Variants in PLXDC2 observed in about 807,000 individuals in gnomAD.
PLXDC2 encodes plexin domain containing 2, also known as plexin domain-containing protein 2.
In PLXDC2, 40 loss-of-function variants were observed where a neutral mutation model predicts 68.9. That is an observed-to-expected ratio of 0.58 (90% CI 0.45 to 0.76). The LOEUF (loss-of-function observed/expected upper bound fraction) is 0.76, where lower values mean the gene tolerates loss of function less well. Ranked by LOEUF, PLXDC2 falls within the 30% of genes least tolerant of loss-of-function variation. The pLI is 0.00. For missense variants in PLXDC2, 644 were observed against 661.9 expected (o/e 0.97, Z 0.30); for synonymous variants, 243 against 234.2 (o/e 1.04, Z -0.34).
At chr10:19,866,821 G>C (rs575207503) in intron 1 of PLXDC2, among the ~76,000 whole-genome samples, 4 of 152,278 alleles carry the variant, frequency 2.6e-5, no homozygotes, top group Admixed American at 2.0e-4. Flanking sequence ...ATACATGGAG[G>C]TTATACATTG....
intron 12 of PLXDC2, among the ~76,000 whole-genome samples, chr10:20,233,500 C>A (rs1835392118): frequency 2.0e-5 from 3 of 152,136 alleles, no homozygotes. Context: ...ATGTTTAACT[C>A]ATTTAATCCT....
At chr10:19,943,719 G>A (rs1022336373) in intron 1 of PLXDC2, among the ~76,000 whole-genome samples, 1 of 152,092 alleles carries the variant, frequency 6.6e-6, no homozygotes, top group Non-Finnish European at 1.5e-5. Context: ...AAAGAAGTAG[G>A]AACAGCCTTC....
chr10:20,234,582 T>C (rs993520371), intron 12 of PLXDC2, among the ~76,000 whole-genome samples: 1 of 152,168 alleles, frequency 6.6e-6, no homozygotes, highest in African/African-American at 2.4e-5. Context: ...GCACAGTTTA[T>C]TAGTTCTCGT....
chr10:20,143,325 G>C lies in PLXDC2; in HGVS notation c.572G>C (p.Arg191Pro). The change falls in exon 5 of 14, where the codon CGA (arginine) becomes CCA (proline). Residue 191 changes from arginine (R) to proline (P), a missense_variant. Around this residue, in one of 3 missense-constraint regions of PLXDC2, gnomAD observed 113 missense variants for 167.1 expected, o/e 0.68. Transcript: ENST00000377252. ...ATATACACTGGAGAAGTCGTACATC[G>C]AATGCTAACAGCCACACAGTACATA... is the stretch of plus-strand genomic sequence containing the variant. Reference protein sequence around the residue: ...GFIYTGEVVHRMLTATQYIAP... With the variant: ...GFIYTGEVVHPMLTATQYIAP... The C allele has an allele frequency of 6.2e-7, 1 of 1,612,738 alleles. No homozygotes were observed. Among genetic ancestry groups the C allele is most frequent in the Non-Finnish European group, 8.5e-7 (1 of 1,179,162 alleles).
chr10:19,980,987 G>T (rs984541584), intron 1 of PLXDC2, among the ~76,000 whole-genome samples: 9 of 152,158 alleles, frequency 5.9e-5, no homozygotes, highest in Non-Finnish European at 1.2e-4. Context: ...TGCCAAATCA[G>T]TTTTACCTCT....
At chr10:19,830,650 G>GT (rs1836671304) in intron 1 of PLXDC2, among the ~76,000 whole-genome samples, 1 of 151,846 alleles carries the variant, frequency 6.6e-6, no homozygotes, top group South Asian at 2.1e-4. Context: ...TGATCAGCTT[G>GT]TGTCTCAAAA....
intron 4 of PLXDC2, among the ~76,000 whole-genome samples, chr10:20,076,274 G>T (rs1377135897): frequency 6.6e-6 from 1 of 152,196 alleles, no homozygotes; most frequent in Non-Finnish European, 1.5e-5. Flanking sequence ...GCCAGAAATT[G>T]AGTTGCATTT....
chr10:19,962,149 G>C (rs1353377060), intron 1 of PLXDC2, among the ~76,000 whole-genome samples: 1 of 152,150 alleles, frequency 6.6e-6, no homozygotes, highest in East Asian at 1.9e-4. Context: ...TGAGATACTT[G>C]TTTCAGGAAA....
chr10:19,862,280 C>T (rs926523973), intron 1 of PLXDC2, among the ~76,000 whole-genome samples: 1 of 152,190 alleles, frequency 6.6e-6, no homozygotes, highest in Non-Finnish European at 1.5e-5. Context: ...TTATATCAAT[C>T]ACTTATGTGC....
chr10:19,991,573 C>T (rs941350724), intron 1 of PLXDC2, among the ~76,000 whole-genome samples: 1 of 152,090 alleles, frequency 6.6e-6, no homozygotes, highest in Admixed American at 6.5e-5. Flanking sequence ...ATTTATAAAA[C>T]ATAATCAGAT....
chr10:19,844,005 A>G (rs1836953488), intron 1 of PLXDC2, among the ~76,000 whole-genome samples: 1 of 152,224 alleles, frequency 6.6e-6, no homozygotes, highest in South Asian at 2.1e-4. Context: ...ATGGTTATAT[A>G]TTCTACACAT....
chr10:20,176,874 G>A lies in PLXDC2; in HGVS notation c.884-125G>A, dbSNP rs191154362. The A allele has an allele frequency of 6.8e-3, 4,407 of 644,324 alleles. 40 individuals carry two copies. Among genetic ancestry groups the A allele is most frequent in the South Asian group, 0.015 (715 of 47,830 alleles). 39.9% of individuals were successfully genotyped at this position (644,324 alleles called of 1,614,324 possible). On this transcript the variant is annotated intron_variant, in intron 7 of 13. Coordinates refer to ENST00000377252, the MANE Select transcript of PLXDC2 (RefSeq NM_032812.9). ...ATATTTTGTAATCAGTCTTCTCACA[G>A]GATGAGGCTTAATTTTAAAACCACA...
intron 1 of PLXDC2, among the ~76,000 whole-genome samples, chr10:19,997,228 A>G (rs1422363414): frequency 1.3e-5 from 2 of 152,222 alleles, no homozygotes; most frequent in African/African-American, 4.8e-5. Context: ...TAGTTTATCG[A>G]CATACCTAAA....
chr10:20,160,243 T>A lies in PLXDC2; in HGVS notation c.784-4225T>A, dbSNP rs566127251. ...TAGGAATCTATTTTCTACTGTCTAATCCCCAATTATATTAAGACTCATAGT... is the reference window on the plus strand; with the variant it reads ...TAGGAATCTATTTTCTACTGTCTAAACCCCAATTATATTAAGACTCATAGT... On this transcript the variant is annotated intron_variant, in intron 6 of 13. Transcript: ENST00000377252. Among the ~76,000 whole-genome samples the A allele has an allele frequency of 2.0e-5, 3 of 152,296 alleles. No individual in the cohort carries two copies. The East Asian group carries it at 5.8e-4, about 29-fold the overall frequency.
intron 12 of PLXDC2, among the ~76,000 whole-genome samples, chr10:20,229,399 C>T (rs920713261): frequency 1.3e-5 from 2 of 151,646 alleles, no homozygotes; most frequent in Non-Finnish European, 2.9e-5. Flanking sequence ...GTTGTGTTTG[C>T]AGCCTCCTAA....
intron 12 of PLXDC2, among the ~76,000 whole-genome samples, chr10:20,233,465 C>A (rs1835391636): frequency 6.6e-6 from 1 of 152,146 alleles, no homozygotes; most frequent in Admixed American, 6.5e-5. Context: ...TAACAATATA[C>A]CAGGCAGTCT....
chr10:20,216,608 G>A (rs1835141429), intron 10 of PLXDC2, among the ~76,000 whole-genome samples: 1 of 152,148 alleles, frequency 6.6e-6, no homozygotes, highest in African/African-American at 2.4e-5. Flanking sequence ...AATGTGGGAT[G>A]AGAACCACTC....
At chr10:19,829,154 C>CTTTTTTTTTTTTT (rs71388870) in intron 1 of PLXDC2, among the ~76,000 whole-genome samples, 2 of 94,426 alleles carry the variant, frequency 2.1e-5, no homozygotes, top group East Asian at 3.4e-4. Context: ...ACGCTTTCCT[C>CTTTTTTTTTTTTT]TTTTTTTTTT....
chr10:19,931,284 A>G (rs1330162392), intron 1 of PLXDC2, among the ~76,000 whole-genome samples: 1 of 152,002 alleles, frequency 6.6e-6, no homozygotes, highest in Admixed American at 6.6e-5. Flanking sequence ...TCCAGTGTGC[A>G]CTCCTTCTTT....
Sources: gnomAD v4.1 joint callset for allele counts (sites outside exome capture counted in the v4.1 genomes callset) on GRCh38, gnomAD v4.1.1 for gene constraint, gnomAD v4.1.1 regional missense constraint, MANE v1.5 for transcripts, NCBI Gene and HGNC (gene_info 2026-07-23, HGNC 2026-07-21) for gene names.